PTK2: variants seen among roughly 807,000 people sequenced by gnomAD.
PTK2 encodes protein tyrosine kinase 2.
PTK2 carries 45 observed loss-of-function variants against 150.1 expected under a neutral mutation model. That is an observed-to-expected ratio of 0.30 (90% confidence interval 0.24 to 0.38). The LOEUF (loss-of-function observed/expected upper bound fraction) is 0.38. Among genes scored for constraint, PTK2 ranks in the 10% least tolerant of loss-of-function variants. The pLI, the probability that PTK2 is intolerant of heterozygous loss-of-function variation, is 1.00. For synonymous variants in PTK2, 432 were observed against 449.2 expected (o/e 0.96, Z 0.48); for missense variants, 919 against 1,307.3 (o/e 0.70, Z 4.58).
intron 22 of PTK2, chr8:140,732,539 C>T (rs2100050088): frequency 1.9e-6 from 1 of 526,928 alleles, no homozygotes; most frequent in Non-Finnish European, 3.9e-6. Context: ...AGCTAGGCTA[C>T]TGGCCTGGAG....
intron 11 of PTK2, among the ~76,000 whole-genome samples, chr8:140,801,977 G>GAT (rs1222664820): frequency 6.6e-6 from 1 of 151,704 alleles, no homozygotes; most frequent in African/African-American, 2.4e-5. Flanking sequence ...TCTTATAAAA[G>GAT]TATAGCACAT....
At chr8:140,958,299 C>T (rs2100181893) in intron 1 of PTK2, among the ~76,000 whole-genome samples, 1 of 151,986 alleles carries the variant, frequency 6.6e-6, no homozygotes, top group Non-Finnish European at 1.5e-5. Flanking sequence ...CCACCATACC[C>T]AGCTAATTTC....
At chr8:140,824,497 T>C (rs1206713932) in intron 8 of PTK2, among the ~76,000 whole-genome samples, 2 of 152,190 alleles carry the variant, frequency 1.3e-5, no homozygotes, top group Non-Finnish European at 2.9e-5. Flanking sequence ...CAACTAAAAC[T>C]GTTGGCGCCT....
At chr8:140,853,595 G>A (rs2100130741) in intron 5 of PTK2, among the ~76,000 whole-genome samples, 2 of 152,000 alleles carry the variant, frequency 1.3e-5, no homozygotes, top group Admixed American at 6.6e-5. Context: ...TATCACTGAT[G>A]GACATTTGGG....
Position 140,890,789 on chromosome 8 carries a change from AT to A in PTK2, c.-32-21del. Reference sequence around the variant, plus strand: ...CATATTCTGTTAAAAGAACAAAATAATTTTTTGTGTATAATACTTGAAATCT... The same window carrying A: ...CATATTCTGTTAAAAGAACAAAATAATTTTTGTGTATAATACTTGAAATCT... On this transcript the variant is annotated intron_variant, in intron 2 of 31. Transcript: ENST00000522684. The A allele has an allele frequency of 6.3e-7, 1 of 1,592,210 alleles. No individual in the cohort carries two copies. Among genetic ancestry groups the A allele is most frequent in the African/African-American group, 1.3e-5 (1 of 74,534 alleles).
At chr8:140,802,048 AT>A (rs532117653) in intron 11 of PTK2, among the ~76,000 whole-genome samples, 95 of 149,190 alleles carry the variant, frequency 6.4e-4, no homozygotes, top group Non-Finnish European at 1.0e-3. Context: ...TGTATTTACT[AT>A]TTTTTTTTTA....
At position 140,762,460 on chromosome 8, in the gene PTK2, A is replaced by G. The variant is rs1359247701; in HGVS notation, c.1235-1198T>C. On this transcript the variant is annotated intron_variant, in intron 15 of 31. Coordinates refer to ENST00000522684, the Ensembl canonical transcript of PTK2. ...ATAACTAACAGCAATTAGGTTAACAACACAAACTTGAAGAGAATATTTCAA... is the reference window on the plus strand; with the variant it reads ...ATAACTAACAGCAATTAGGTTAACAGCACAAACTTGAAGAGAATATTTCAA... The G allele has an allele frequency of 4.1e-6, 3 of 723,468 alleles. No individual in the cohort carries two copies. In the East Asian group the frequency reaches 3.5e-4, roughly 84 times the overall value. 44.8% of individuals were successfully genotyped at this position (723,468 alleles called of 1,614,324 possible).
At chr8:140,700,776 G>T (rs1232278716) in intron 26 of PTK2, 115 bp downstream of exon 29, 44 of 1,372,366 alleles carry the variant, frequency 3.2e-5, no homozygotes, top group Non-Finnish European at 4.3e-5. Context: ...GTTTTAAGAA[G>T]TAGTTGTAAA....
intron 5 of PTK2, among the ~76,000 whole-genome samples, chr8:140,852,909 C>T (rs1424827240): frequency 6.6e-6 from 1 of 152,222 alleles, no homozygotes; most frequent in African/African-American, 2.4e-5. Flanking sequence ...AACTAAACCC[C>T]TGAAATGTTC....
At chr8:140,916,332 C>A (rs529813704) in intron 2 of PTK2, among the ~76,000 whole-genome samples, 8 of 152,208 alleles carry the variant, frequency 5.3e-5, no homozygotes, top group African/African-American at 1.7e-4. Context: ...ACCACCACCT[C>A]GTAGGCACGA....
Position 140,968,892 on chromosome 8 carries a change from G to C in PTK2, c.-122+32233C>G, listed in dbSNP as rs547906693. ...AATAATTCGAGCAGCAACTCCTATG[G>C]GGGCTGGAAGAGGTAACTGATCAGG... On this transcript the variant is annotated intron_variant, in intron 1 of 31. Coordinates refer to ENST00000522684, the Ensembl canonical transcript of PTK2. 1.1e-4 allele frequency among the ~76,000 whole-genome samples: 17 copies of C among 152,322 alleles called. No homozygotes were observed. In the South Asian group the frequency reaches 2.5e-3, roughly 22 times the overall value.
At chr8:140,703,047 T>G (rs559904898) in intron 24 of PTK2, among the ~76,000 whole-genome samples, 106 of 152,152 alleles carry the variant, frequency 7.0e-4, no homozygotes, top group Non-Finnish European at 1.3e-3. Flanking sequence ...CAGAGAGAGT[T>G]AGTACTGCTG....
chr8:140,674,437 G>A (rs1292181039), intron 28 of PTK2, 33 bp from the exon 32 acceptor site: 4 of 1,539,714 alleles, frequency 2.6e-6, no homozygotes, highest in Non-Finnish European at 3.5e-6. Context: ...ATTAAGTCAT[G>A]TGCGTTAAGA....
At chr8:140,885,639 C>A (rs1248812434) in intron 3 of PTK2, among the ~76,000 whole-genome samples, 2 of 152,152 alleles carry the variant, frequency 1.3e-5, no homozygotes, top group Non-Finnish European at 2.9e-5. Context: ...AGCAAGGAGC[C>A]ACATCCCGTA....
intron 14 of PTK2, among the ~76,000 whole-genome samples, chr8:140,780,503 G>C (rs1011648402): frequency 1.3e-5 from 2 of 152,134 alleles, no homozygotes; most frequent in Non-Finnish European, 2.9e-5. Context: ...AAACAAGACA[G>C]CATCACAGAG....
intron 20 of PTK2, among the ~76,000 whole-genome samples, chr8:140,740,461 T>A (rs1253538758): frequency 2.0e-5 from 3 of 152,250 alleles, no homozygotes; most frequent in African/African-American, 7.2e-5. Context: ...GACTTTCTTC[T>A]GTAAGCAATG....
chr8:140,989,389 A>C (rs1391427597), intron 1 of PTK2, among the ~76,000 whole-genome samples: 2 of 151,718 alleles, frequency 1.3e-5, no homozygotes, highest in Non-Finnish European at 2.9e-5. Context: ...GCAAGACCCT[A>C]TCTCAAAAAA....
chr8:140,746,889 T>C, intron 17 of PTK2, 29 bp from the exon 21 acceptor site: 1 of 1,378,832 alleles, frequency 7.3e-7, no homozygotes, highest in Non-Finnish European at 9.9e-7. Flanking sequence ...ATAGTTATTC[T>C]TTCTTTTTTT....
At chr8:140,845,137 T>C (rs1315487489) in intron 7 of PTK2, among the ~76,000 whole-genome samples, 1 of 152,090 alleles carries the variant, frequency 6.6e-6, no homozygotes, top group Non-Finnish European at 1.5e-5. Context: ...CTTGCTACCA[T>C]TTTCAATCTT....
Sources: gnomAD v4.1 joint callset for allele counts (sites outside exome capture counted in the v4.1 genomes callset) on GRCh38, gnomAD v4.1.1 for gene constraint, MANE v1.5 for transcripts, NCBI Gene and HGNC (gene_info 2026-07-23, HGNC 2026-07-21) for gene names.